MEGF10: variants seen among roughly 807,000 people sequenced by gnomAD.
MEGF10 encodes multiple EGF like domains 10.
In MEGF10, 86 loss-of-function variants were observed where a neutral mutation model predicts 147.5. The ratio of observed to expected loss-of-function variants is 0.58; its 90% CI spans 0.49 to 0.70. The LOEUF is 0.70. Ranked by LOEUF, MEGF10 falls within the 30% of genes least tolerant of loss-of-function variation. The pLI is 0.00. For missense variants in MEGF10, 1,329 were observed against 1,487.3 expected (o/e 0.89, Z 1.75); for synonymous variants, 478 against 525.5 (o/e 0.91, Z 1.24).
At chr5:127,302,388 G>T (rs1378425050) in intron 1 of MEGF10, among the ~76,000 whole-genome samples, 1 of 152,252 alleles carries the variant, frequency 6.6e-6, no homozygotes, top group African/African-American at 2.4e-5. Context: ...ACCACATATT[G>T]TGTGGTTTCA....
chr5:127,302,146 T>C (rs1261540795), intron 1 of MEGF10, among the ~76,000 whole-genome samples: 3 of 152,150 alleles, frequency 2.0e-5, no homozygotes, highest in Admixed American at 6.5e-5. Flanking sequence ...GTTCAAACAA[T>C]GTCTTGTGTA....
Position 127,449,286 on chromosome 5 carries a change from G to A in MEGF10, c.2980+64G>A. 3.8e-6 allele frequency: 6 copies of A among 1,590,686 alleles called. No individual in the cohort carries two copies. In the East Asian group the frequency reaches 6.7e-5, roughly 18 times the overall value. On this transcript the variant is annotated intron_variant, in intron 22 of 24. Coordinates refer to ENST00000503335, the MANE Select transcript of MEGF10 (RefSeq NM_001256545.2). ...CCTGTCAGTCCCTGAAACAGTCACG[G>A]ATCTCTGTTTGTGCCAAGGTGTTCT...
rs1018024748 is a variant in MEGF10, at chr5:127,457,134, C to G, written c.3239C>G (p.Thr1080Arg). 2.5e-6 allele frequency: 4 copies of G among 1,611,236 alleles called. No individual in the cohort carries two copies. The highest frequency in any genetic ancestry group is 1.7e-4 in the Middle Eastern group (1 of 6,028). Residue 1080 changes from threonine (T) to arginine (R), a missense_variant, in exon 25 of 25, where the codon ACA becomes AGA. Transcript: ENST00000503335. ...ANRNVYEVEP[T>R]VSVVQGVFSN... Reference sequence around the variant, plus strand: ...ATGTCCTTGGTTATCACAGAACCTACAGTGAGTGTTGTCCAAGGAGTATTC... The same window carrying G: ...ATGTCCTTGGTTATCACAGAACCTAGAGTGAGTGTTGTCCAAGGAGTATTC...
chr5:127,325,794 A>C (rs138426654), intron 1 of MEGF10, among the ~76,000 whole-genome samples: 36 of 150,982 alleles, frequency 2.4e-4, no homozygotes, highest in African/African-American at 8.0e-4. Context: ...GCTTGTTTAT[A>C]AAACCATTTT....
intron 22 of MEGF10, among the ~76,000 whole-genome samples, chr5:127,450,665 T>C (rs1766120744): frequency 6.6e-6 from 1 of 152,206 alleles, no homozygotes; most frequent in Non-Finnish European, 1.5e-5. Flanking sequence ...TTACATGGGA[T>C]GTACACTAAA....
chr5:127,322,074 C>A (rs201314112), intron 1 of MEGF10, among the ~76,000 whole-genome samples: 514 of 131,412 alleles, frequency 3.9e-3, no homozygotes, highest in Admixed American at 4.1e-3. Context: ...AGCGCTTTTG[C>A]AAAAAAAAAA....
intron 13 of MEGF10, among the ~76,000 whole-genome samples, chr5:127,428,761 TTAAG>T (rs1247596846): frequency 6.6e-6 from 1 of 152,132 alleles, no homozygotes; most frequent in African/African-American, 2.4e-5. Flanking sequence ...ATATAAGCAA[TTAAG>T]TAAGACAAGG....
At position 127,445,586 on chromosome 5, in the gene MEGF10, C is replaced by T. The variant is rs1417230077; in HGVS notation, c.2621C>T (p.Ala874Val). The change falls in exon 20 of 25, where the codon GCA becomes GTA. Residue 874 changes from alanine to valine, a missense_variant. Transcript: ENST00000503335. ...GTCCTAGTTGTTCTCTTCCTACTGG[C>T]ATTGTTCATTATTTATAGACACAAG... ...ILVLVVLFLL[A>V]LFIIYRHKQK... is the part of the protein sequence containing the mutation. The T allele has an allele frequency of 1.9e-6, 3 of 1,614,050 alleles. No individual in the cohort carries two copies. The highest frequency in any genetic ancestry group is 1.7e-5 in the Admixed American group (1 of 60,012).
intron 10 of MEGF10, among the ~76,000 whole-genome samples, 160 bp downstream of exon 10, chr5:127,417,972 T>A (rs916084699): frequency 3.3e-4 from 50 of 152,180 alleles, no homozygotes; most frequent in African/African-American, 1.2e-3. Flanking sequence ...CTAATAGAGA[T>A]ATAAGGAATT....
At position 127,434,785 on chromosome 5, in the gene MEGF10, T is replaced by C; in HGVS notation, c.1939T>C (p.Cys647Arg). ...CCACCACATCACCGGCCTGTGTGACTGCTTGCCTGGCTTCACAGGCGCCCT... is the reference window on the plus strand; with the variant it reads ...CCACCACATCACCGGCCTGTGTGACCGCTTGCCTGGCTTCACAGGCGCCCT... ...PCHHITGLCD[C>R]LPGFTGALCN... The change falls in exon 15 of 25, where the codon TGC (cysteine) becomes CGC (arginine). Residue 647 changes from cysteine to arginine, a missense_variant. Physicochemically the swap from Cys to Arg is radical, Grantham distance 180. Coordinates refer to ENST00000503335, the MANE Select transcript of MEGF10 (RefSeq NM_001256545.2). 1 of 1,613,742 alleles carries C rather than the reference T, an allele frequency of 6.2e-7. No homozygotes were observed. The highest frequency in any genetic ancestry group is 8.5e-7 in the Non-Finnish European group (1 of 1,180,022).
intron 18 of MEGF10, 76 bp from the exon 19 acceptor site, chr5:127,442,922 G>A (rs994831545): frequency 2.7e-6 from 4 of 1,497,988 alleles, no homozygotes; most frequent in Middle Eastern, 1.8e-4. Flanking sequence ...CTCTAGATGT[G>A]CAGGGCTTGC....
intron 9 of MEGF10, among the ~76,000 whole-genome samples, chr5:127,413,138 A>T (rs1230073660): frequency 6.6e-6 from 1 of 152,206 alleles, no homozygotes; most frequent in Non-Finnish European, 1.5e-5. Context: ...TTTATTTTGC[A>T]ATCTATCATG....
chr5:127,233,821 C>T, the MEGF10 span, among the ~76,000 whole-genome samples: 1 of 152,078 alleles, frequency 6.6e-6, no homozygotes, highest in Non-Finnish European at 1.5e-5. Flanking sequence ...TTCGTTTAAT[C>T]AAGGCTGAAG....
chr5:127,433,859 G>T (rs1765469852), intron 14 of MEGF10, among the ~76,000 whole-genome samples: 1 of 152,146 alleles, frequency 6.6e-6, no homozygotes, highest in Admixed American at 6.5e-5. Flanking sequence ...CAGCAGTTTG[G>T]CATTGGCCTT....
intron 12 of MEGF10, among the ~76,000 whole-genome samples, chr5:127,421,260 G>A (rs1395756213): frequency 6.6e-6 from 1 of 152,212 alleles, no homozygotes; most frequent in Non-Finnish European, 1.5e-5. Flanking sequence ...TGAGGGTTTA[G>A]TGGTTCATAT....
intron 4 of MEGF10, among the ~76,000 whole-genome samples, chr5:127,360,232 C>T (rs1762421469): frequency 6.6e-6 from 1 of 151,770 alleles, no homozygotes; most frequent in African/African-American, 2.4e-5. Flanking sequence ...CTTGATTTGT[C>T]CTTAAGTATT....
At chr5:127,445,782 C>G (rs1460614930) in intron 20 of MEGF10, 89 bp downstream of exon 20, 2 of 917,158 alleles carry the variant, frequency 2.2e-6, no homozygotes, top group Admixed American at 1.7e-5. Flanking sequence ...GCTGTGCTGT[C>G]CATTGTTTCT....
intron 24 of MEGF10, 91 bp from the exon 25 acceptor site, chr5:127,457,037 C>G (rs955186751): frequency 2.3e-6 from 3 of 1,282,506 alleles, no homozygotes; most frequent in Admixed American, 2.6e-5. Context: ...TTAAAAGTCC[C>G]TTTGGTGTGT....
At chr5:127,263,000 T>C in the MEGF10 span, among the ~76,000 whole-genome samples, 2 of 152,252 alleles carry the variant, frequency 1.3e-5, no homozygotes, top group South Asian at 4.1e-4. Context: ...AGTAGCCATG[T>C]TAAGATAAAA....
Sources: allele counts gnomAD v4.1 joint callset (sites outside exome capture counted in the v4.1 genomes callset), GRCh38; gene constraint gnomAD v4.1.1; transcripts MANE v1.5; gene names NCBI Gene and HGNC (gene_info 2026-07-23, HGNC 2026-07-21).